Variants in FMNL2 observed in about 807,000 individuals in gnomAD.
FMNL2 encodes the protein formin-like protein 2.
Under a neutral mutation model 130.2 loss-of-function variants are expected in FMNL2, and 51 were observed. The ratio of observed to expected loss-of-function variants is 0.39; its 90% confidence interval spans 0.31 to 0.49. The LOEUF is 0.49. FMNL2 is among the 20% of genes least tolerant of loss of function. FMNL2 has a pLI of 0.85. For synonymous variants in FMNL2, 465 were observed against 467.1 expected, an observed-to-expected ratio of 1.00 and a Z score of 0.06; for missense variants, 977 against 1,316.2, an observed-to-expected ratio of 0.74 and a Z score of 3.99.
intron 9 of FMNL2, among the ~76,000 whole-genome samples, chr2:152,603,045 A>G (rs1428614139): frequency 3.3e-5 from 5 of 152,190 alleles, no homozygotes; most frequent in Non-Finnish European, 5.9e-5. Flanking sequence ...GTGGGATTGT[A>G]GTGTACACTT....
chr2:152,358,974 A>T (rs1378883049), intron 1 of FMNL2, among the ~76,000 whole-genome samples: 1 of 152,116 alleles, frequency 6.6e-6, no homozygotes, highest in Non-Finnish European at 1.5e-5. Flanking sequence ...GTGTTAGAGA[A>T]ATTCATCCCC....
intron 2 of FMNL2, among the ~76,000 whole-genome samples, chr2:152,535,644 G>A (rs1452230151): frequency 6.6e-6 from 1 of 152,164 alleles, no homozygotes; most frequent in African/African-American, 2.4e-5. Context: ...ATCCAAACAT[G>A]TTAGTAAGAT....
chr2:152,596,380 G>A (rs1697775612), intron 9 of FMNL2, among the ~76,000 whole-genome samples: 2 of 152,152 alleles, frequency 1.3e-5, no homozygotes, highest in African/African-American at 4.8e-5. Context: ...GTAGTTCTTT[G>A]TATGGTATGG....
chr2:152,567,018 G>C (rs906421348), intron 6 of FMNL2, among the ~76,000 whole-genome samples: 2 of 152,172 alleles, frequency 1.3e-5, no homozygotes, highest in African/African-American at 4.8e-5. Context: ...CTATTCTGAA[G>C]GTTAGTCTGT....
rs377628517 is a variant in FMNL2, at chr2:152,411,389, C to T, written c.117+75669C>T. Among the ~76,000 whole-genome samples the T allele has an allele frequency of 4.6e-5, 7 of 152,136 alleles. No individual in the cohort carries two copies. The East Asian group carries it at 7.7e-4, about 17-fold the overall frequency. ...GAAAAAAGAGAAGTAGGTGCTTGCT[C>T]AAGACAGGAAATATACCACTTCCCT... On this transcript the variant is annotated intron_variant, in intron 1 of 25. Transcript: ENST00000288670.
chr2:152,385,028 A>G (rs958025701), intron 1 of FMNL2, among the ~76,000 whole-genome samples: 1 of 152,154 alleles, frequency 6.6e-6, no homozygotes, highest in Non-Finnish European at 1.5e-5. Context: ...CATGCTCCCT[A>G]TCTTTGTCTA....
chr2:152,529,708 C>T (rs1693586954), intron 2 of FMNL2, among the ~76,000 whole-genome samples: 1 of 152,072 alleles, frequency 6.6e-6, no homozygotes, highest in African/African-American at 2.4e-5. Context: ...TTTCCTTTGG[C>T]CTATAGCTTT....
In FMNL2 at chr2:152,631,977, G is replaced by T. The variant is rs545478314; in HGVS notation, c.2551-31G>T. 4.4e-6 allele frequency: 7 copies of T among 1,601,672 alleles called. No individual in the cohort carries two copies. The East Asian group carries it at 6.7e-5, about 15-fold the overall frequency. On this transcript the variant is annotated intron_variant, in intron 20 of 25. Transcript: ENST00000288670. ...AAGTGTCTTGTTACCCTTTACTCTT[G>T]TACCTAACCCACGTTCCCTTTTGTT...
intron 2 of FMNL2, among the ~76,000 whole-genome samples, chr2:152,532,164 G>A (rs1195708234): frequency 6.6e-6 from 1 of 152,132 alleles, no homozygotes; most frequent in Non-Finnish European, 1.5e-5. Context: ...TGACAAAGAT[G>A]AATATTTGGC....
intron 1 of FMNL2, among the ~76,000 whole-genome samples, chr2:152,370,401 C>T (rs1683809275): frequency 6.6e-6 from 1 of 152,186 alleles, no homozygotes; most frequent in South Asian, 2.1e-4. Flanking sequence ...CCTTTTAATA[C>T]CATCAAGTTG....
At chr2:152,498,075 C>T (rs1691612610) in intron 1 of FMNL2, among the ~76,000 whole-genome samples, 1 of 152,190 alleles carries the variant, frequency 6.6e-6, no homozygotes, top group East Asian at 1.9e-4. Context: ...GTCAGACCCA[C>T]CCAGGATAAT....
intron 1 of FMNL2, 96 bp downstream of exon 1, chr2:152,335,816 C>A: frequency 1.2e-6 from 1 of 856,592 alleles, no homozygotes; most frequent in Non-Finnish European, 1.7e-6. Context: ...GTGCCGGGAG[C>A]GAGCCTCCAT....
chr2:152,444,793 T>C (rs1176741877), intron 1 of FMNL2, among the ~76,000 whole-genome samples: 1 of 151,610 alleles, frequency 6.6e-6, no homozygotes, highest in African/African-American at 2.4e-5. Flanking sequence ...AGCAAGCCTA[T>C]GGGTAACTCA....
At chr2:152,572,633 T>G (rs1696236939) in intron 6 of FMNL2, among the ~76,000 whole-genome samples, 1 of 151,764 alleles carries the variant, frequency 6.6e-6, no homozygotes, top group African/African-American at 2.4e-5. Flanking sequence ...AAAAAAAAAT[T>G]TTTTTTAATT....
chr2:152,541,187 C>G (rs1011377256), intron 2 of FMNL2, among the ~76,000 whole-genome samples: 6 of 151,972 alleles, frequency 3.9e-5, no homozygotes, highest in Admixed American at 6.6e-5. Context: ...GACAGGGTCT[C>G]GCTCTGTTAC....
rs200210846 is a variant in FMNL2, at chr2:152,634,259, CCT to C, written c.2680+2123_2680+2124del. Among the ~76,000 whole-genome samples, 118 of 152,206 alleles carry C rather than the reference CCT, an allele frequency of 7.8e-4. 3 individuals carry two copies. The East Asian group carries it at 0.022, about 28-fold the overall frequency. On this transcript the variant is annotated intron_variant, in intron 21 of 25. Transcript: ENST00000288670. ...ACCAGCGTGGCCAACATAGCGAAAC[CCT>C]GTCTCTACTAAAAATACAAAAATTA...
At position 152,614,482 on chromosome 2, in the gene FMNL2, C is replaced by T. The variant is rs140118972; in HGVS notation, c.1063-369C>T. ...TAGACTGGCTGGGTGTGGTGGCTCA[C>T]GCCTGTAATCCCAGCACTTTGGGAG... On this transcript the variant is annotated intron_variant, in intron 11 of 25. Coordinates refer to ENST00000288670, the MANE Select transcript of FMNL2 (RefSeq NM_052905.4). Among the ~76,000 whole-genome samples the T allele has an allele frequency of 3.3e-3, 505 of 152,258 alleles. 1 individual carries two copies. The highest frequency in any genetic ancestry group is 0.012 in the African/African-American group (492 of 41,550).
chr2:152,393,847 A>G (rs987242401), intron 1 of FMNL2, among the ~76,000 whole-genome samples: 1 of 152,246 alleles, frequency 6.6e-6, no homozygotes, highest in African/African-American at 2.4e-5. Flanking sequence ...AGCCTTAGAC[A>G]ATAGGCAACT....
At chr2:152,601,303 CTTT>C (rs10567754) in intron 9 of FMNL2, among the ~76,000 whole-genome samples, 21,670 of 134,558 alleles carry the variant, frequency 0.16, 2,793 homozygotes, top group African/African-American at 0.38. Context: ...TTTCTTTTTT[CTTT>C]TTTTTTTTTT....
Sources: allele counts gnomAD v4.1 joint callset (sites outside exome capture counted in the v4.1 genomes callset), GRCh38; gene constraint gnomAD v4.1.1; transcripts MANE v1.5; gene names NCBI Gene and HGNC (gene_info 2026-07-23, HGNC 2026-07-21).